Variants in ZNF721 observed in about 807,000 individuals in gnomAD.
ZNF721 encodes zinc finger protein 721.
A neutral mutation model predicts 2.4 loss-of-function variants in ZNF721; 2 were observed. That is an observed-to-expected ratio of 0.82 (90% confidence interval 0.34 to 2.58). The LOEUF is 2.58. Ranked by LOEUF, ZNF721 falls within the 30% of genes most tolerant of loss-of-function variation. The pLI is 0.11. For missense variants in ZNF721, 1,187 were observed against 1,085.5 expected, an observed-to-expected ratio of 1.09 and a Z score of -1.31; for synonymous variants, 398 against 381.8, an observed-to-expected ratio of 1.04 and a Z score of -0.50.
chr4:454,331 A>G (rs1714770161), intron 2 of ZNF721, among the ~76,000 whole-genome samples: 1 of 152,218 alleles, frequency 6.6e-6, no homozygotes, highest in Admixed American at 6.5e-5. Flanking sequence ...ATCCTGCTTC[A>G]GCAGCAAATT....
At chr4:483,900 C>T (rs1406117476) in intron 1 of ZNF721, among the ~76,000 whole-genome samples, 2 of 152,160 alleles carry the variant, frequency 1.3e-5, no homozygotes, top group African/African-American at 4.8e-5. Flanking sequence ...CAACCTCAGC[C>T]TCCTGGATTC....
intron 1 of ZNF721, among the ~76,000 whole-genome samples, chr4:483,120 T>G (rs562485960): frequency 1.3e-5 from 2 of 152,288 alleles, no homozygotes; most frequent in East Asian, 3.9e-4. Flanking sequence ...GGAGTTGAAG[T>G]AGAAATTAAA....
In ZNF721 at chr4:443,327, CTTGTG is replaced by C. The variant is rs1714339385; in HGVS notation, c.1135_1139del (p.His379GlufsTer12). The stretch of plus-strand genomic sequence containing the variant: ...AAGGTTTCTCTCCAGTATGAATTTT[CTTGTG>C]TTGATTCAGGGCTGTGTACCGTCCA... On this transcript the variant is annotated frameshift_variant, in exon 3 of 3. Coordinates refer to ENST00000511833, the MANE Select transcript of ZNF721 (RefSeq NM_133474.4). LOFTEE classifies it low-confidence loss of function (END_TRUNC). 6.2e-7 allele frequency: 1 copy of C among 1,613,960 alleles called. No homozygotes were observed. The highest frequency in any genetic ancestry group is 1.3e-5 in the African/African-American group (1 of 74,902).
chr4:474,208 G>C, intron 1 of ZNF721: 1 of 407,048 alleles, frequency 2.5e-6, no homozygotes, highest in Non-Finnish European at 4.7e-6. Context: ...TGATTGGGCA[G>C]TTCTCAGTCA....
intron 1 of ZNF721, among the ~76,000 whole-genome samples, chr4:494,051 T>TA (rs1295440767): frequency 6.6e-6 from 1 of 152,332 alleles, no homozygotes; most frequent in East Asian, 1.9e-4. Context: ...TTTTTCCTGA[T>TA]AAAGTATTTA....
intron 1 of ZNF721, among the ~76,000 whole-genome samples, chr4:480,596 T>C (rs1179838124): frequency 1.3e-5 from 2 of 152,236 alleles, no homozygotes; most frequent in African/African-American, 4.8e-5. Flanking sequence ...TTCTACTTCC[T>C]GTTTCTGTAA....
intron 1 of ZNF721, among the ~76,000 whole-genome samples, chr4:473,590 T>A (rs1426177481): frequency 1.3e-5 from 2 of 151,816 alleles, no homozygotes; most frequent in Non-Finnish European, 2.9e-5. Context: ...CATTAATGAG[T>A]CCCCGTTTGC....
intron 1 of ZNF721, among the ~76,000 whole-genome samples, chr4:491,432 C>G (rs1160410830): frequency 6.6e-6 from 1 of 152,116 alleles, no homozygotes; most frequent in Admixed American, 6.6e-5. Context: ...CAAAACAAAA[C>G]AAAAACTGAT....
At chr4:487,658 T>C (rs1715930220) in intron 1 of ZNF721, among the ~76,000 whole-genome samples, 1 of 152,230 alleles carries the variant, frequency 6.6e-6, no homozygotes, top group Non-Finnish European at 1.5e-5. Flanking sequence ...GTATTGATTT[T>C]CTTTTTTCCT....
intron 1 of ZNF721, among the ~76,000 whole-genome samples, chr4:486,824 G>GT (rs1442597680): frequency 6.6e-6 from 1 of 152,154 alleles, no homozygotes; most frequent in Non-Finnish European, 1.5e-5. Flanking sequence ...TTCTCAAATT[G>GT]TTTCGCTTTT....
intron 2 of ZNF721, among the ~76,000 whole-genome samples, chr4:466,820 A>C (rs1358626511): frequency 6.6e-6 from 1 of 152,212 alleles, no homozygotes; most frequent in East Asian, 1.9e-4. Context: ...TCAGGCTTAC[A>C]ATTTGATGTG....
chr4:497,608 A>C (rs1244152589), intron 1 of ZNF721, among the ~76,000 whole-genome samples: 1 of 151,724 alleles, frequency 6.6e-6, no homozygotes, highest in Non-Finnish European at 1.5e-5. Context: ...AACAGGCCGG[A>C]CAGGGCGCGG....
chr4:465,435 G>GTTT (rs144460748), intron 2 of ZNF721, among the ~76,000 whole-genome samples: 1 of 139,004 alleles, frequency 7.2e-6, no homozygotes, highest in Non-Finnish European at 1.5e-5. Context: ...TTTGTTTTTT[G>GTTT]TTTTTTTTTT....
intron 2 of ZNF721, among the ~76,000 whole-genome samples, chr4:470,259 A>T (rs1476726321): frequency 1.3e-5 from 2 of 152,214 alleles, no homozygotes; most frequent in Non-Finnish European, 2.9e-5. Flanking sequence ...AAAACCTTAG[A>T]ACTCCTGAAC....
intron 1 of ZNF721, among the ~76,000 whole-genome samples, chr4:494,683 G>C (rs1441609155): frequency 6.6e-6 from 1 of 152,094 alleles, no homozygotes; most frequent in Admixed American, 6.6e-5. Flanking sequence ...GTCTGCTGGT[G>C]CTAGAGGGAG....
At chr4:473,548 C>A (rs1715530114) in intron 1 of ZNF721, among the ~76,000 whole-genome samples, 1 of 152,142 alleles carries the variant, frequency 6.6e-6, no homozygotes, top group Non-Finnish European at 1.5e-5. Context: ...CGCTGGCAGC[C>A]CCCAAGCCAC....
At position 444,334 on chromosome 4, in the gene ZNF721, C is replaced by G; in HGVS notation, c.133G>C (p.Asp45His). 6.2e-7 allele frequency: 1 copy of G among 1,614,112 alleles called. No homozygotes were observed. The highest frequency in any genetic ancestry group is 8.5e-7 in the Non-Finnish European group (1 of 1,179,986). Residue 45 changes from aspartate (D) to histidine (H), a missense_variant, in exon 3 of 3, where the codon GAT (aspartate) becomes CAT (histidine). Transcript: ENST00000511833. The stretch of plus-strand genomic sequence containing the variant: ...CAGCCTTTCCTTAATTGTAAATTAT[C>G]ATGCCCACATTTCTCATATCTTCTC... ...ILRRYEKCGHDNLQLRKGCKS... is the reference protein window; with the variant it reads ...ILRRYEKCGHHNLQLRKGCKS...
chr4:456,812 G>A (rs1714864130), intron 2 of ZNF721, among the ~76,000 whole-genome samples: 1 of 152,176 alleles, frequency 6.6e-6, no homozygotes, highest in Non-Finnish European at 1.5e-5. Context: ...CCGGGAGGCG[G>A]AGGTTGCAGT....
intron 1 of ZNF721, among the ~76,000 whole-genome samples, chr4:492,087 A>G (rs1384368941): frequency 6.6e-6 from 1 of 151,746 alleles, no homozygotes; most frequent in Non-Finnish European, 1.5e-5. Context: ...GGTGTGAACC[A>G]AGGAGGCAGA....
Sources: allele counts gnomAD v4.1 joint callset (sites outside exome capture counted in the v4.1 genomes callset), GRCh38; gene constraint gnomAD v4.1.1; transcripts MANE v1.5; gene names NCBI Gene and HGNC (gene_info 2026-07-23, HGNC 2026-07-21).